The following ESRRG variants were observed in gnomAD, a reference collection of about 807,000 sequenced individuals.
The protein encoded by ESRRG is estrogen related receptor gamma.
In ESRRG, 13 loss-of-function variants were observed where a neutral mutation model predicts 44.0. The observed-to-expected ratio is 0.30, with a 90% CI of 0.19 to 0.47. The LOEUF (loss-of-function observed/expected upper bound fraction) is 0.47, where lower values mean the gene tolerates loss of function less well. Among genes scored for constraint, ESRRG ranks in the 20% least tolerant of loss-of-function variants. The pLI is 1.00. For synonymous variants in ESRRG, 215 were observed against 214.6 expected (o/e 1.00, Z -0.02); for missense variants, 395 against 580.6 (o/e 0.68, Z 3.29).
At chr1:217,133,636 TCTCTCTCTC>T (rs1558298170) in intron 1 of ESRRG, among the ~76,000 whole-genome samples, 18 of 53,936 alleles carry the variant, frequency 3.3e-4, no homozygotes, top group African/African-American at 6.4e-4. Context: ...TTTCTTTCTC[TCTCTCTCTC>T]TCTTTCTTTC....
At chr1:216,758,599 T>C (rs1346113581) in intron 2 of ESRRG, among the ~76,000 whole-genome samples, 1 of 152,078 alleles carries the variant, frequency 6.6e-6, no homozygotes, top group Non-Finnish European at 1.5e-5. Context: ...GTATATTTAT[T>C]TGTTGACTGT....
intron 1 of ESRRG, among the ~76,000 whole-genome samples, chr1:217,106,167 A>G (rs1292623714): frequency 6.6e-6 from 1 of 152,246 alleles, no homozygotes; most frequent in Non-Finnish European, 1.5e-5. Context: ...AGTAGTCTCT[A>G]AGTGATAGAT....
intron 2 of ESRRG, among the ~76,000 whole-genome samples, chr1:216,929,947 C>T (rs1252311774): frequency 6.6e-6 from 1 of 152,092 alleles, no homozygotes; most frequent in Non-Finnish European, 1.5e-5. Flanking sequence ...CTCAGGAAAC[C>T]CCCTAACACC....
chr1:216,850,656 T>A (rs143909306), intron 2 of ESRRG, among the ~76,000 whole-genome samples: 1 of 152,166 alleles, frequency 6.6e-6, no homozygotes, highest in African/African-American at 2.4e-5. Context: ...ATATGCAAAA[T>A]TAAAGGTAGC....
At chr1:216,715,630 T>C (rs2084692921) in intron 1 of ESRRG, among the ~76,000 whole-genome samples, 1 of 152,134 alleles carries the variant, frequency 6.6e-6, no homozygotes, top group African/African-American at 2.4e-5. Flanking sequence ...CCTCAGTCTA[T>C]AATTTTTTAT....
chr1:216,954,069 T>C (rs1051206170), intron 1 of ESRRG, among the ~76,000 whole-genome samples: 3 of 152,084 alleles, frequency 2.0e-5, no homozygotes, highest in African/African-American at 4.8e-5. Context: ...AAAGAGAAGA[T>C]AAATATCTCT....
At chr1:216,706,058 C>T (rs1236200248) in intron 1 of ESRRG, among the ~76,000 whole-genome samples, 1 of 152,084 alleles carries the variant, frequency 6.6e-6, no homozygotes, top group Non-Finnish European at 1.5e-5. Context: ...CTCCTCGTCC[C>T]CCACCCCCAG....
intron 5 of ESRRG, among the ~76,000 whole-genome samples, chr1:216,525,620 T>A (rs914064558): frequency 3.3e-5 from 5 of 152,164 alleles, no homozygotes; most frequent in African/African-American, 1.2e-4. Flanking sequence ...CTGAAATTTG[T>A]TTGGCCATCA....
At chr1:216,968,942 A>T (rs1422986230) in intron 1 of ESRRG, among the ~76,000 whole-genome samples, 1 of 152,054 alleles carries the variant, frequency 6.6e-6, no homozygotes, top group East Asian at 1.9e-4. Flanking sequence ...TTAGATTTAT[A>T]CTCAAGTGTT....
chr1:216,880,453 TA>T (rs1259541324), intron 2 of ESRRG, among the ~76,000 whole-genome samples: 1 of 150,568 alleles, frequency 6.6e-6, no homozygotes, highest in Non-Finnish European at 1.5e-5. Flanking sequence ...ATGAGGAATA[TA>T]AAGCTTTGAA....
intron 1 of ESRRG, among the ~76,000 whole-genome samples, chr1:217,118,978 G>A: frequency 6.6e-6 from 1 of 151,978 alleles, no homozygotes; most frequent in Non-Finnish European, 1.5e-5. Context: ...GGGTGACAGA[G>A]TGAGACCCTA....
At chr1:216,749,123 C>T (rs887219879) in intron 2 of ESRRG, among the ~76,000 whole-genome samples, 3 of 148,684 alleles carry the variant, frequency 2.0e-5, no homozygotes, top group Admixed American at 6.8e-5. Context: ...TTGCTGGGAA[C>T]TTGCACAGTT....
intron 2 of ESRRG, among the ~76,000 whole-genome samples, chr1:216,917,128 A>G (rs2061288592): frequency 6.7e-6 from 1 of 149,174 alleles, no homozygotes; most frequent in Non-Finnish European, 1.5e-5. Context: ...GTCTCAGCAT[A>G]CAGTCTCTCC....
intron 1 of ESRRG, among the ~76,000 whole-genome samples, chr1:216,991,057 A>G (rs1161633665): frequency 6.6e-6 from 1 of 152,066 alleles, no homozygotes; most frequent in Non-Finnish European, 1.5e-5. Flanking sequence ...TCAGATCAGC[A>G]GTGGCATTAG....
intron 1 of ESRRG, among the ~76,000 whole-genome samples, chr1:217,062,303 C>G (rs915849292): frequency 6.6e-6 from 1 of 152,084 alleles, no homozygotes; most frequent in African/African-American, 2.4e-5. Context: ...AATGACATAC[C>G]GTGTGAGAGA....
At chr1:217,116,504 A>G (rs1025098708) in intron 1 of ESRRG, among the ~76,000 whole-genome samples, 4 of 152,192 alleles carry the variant, frequency 2.6e-5, no homozygotes, top group Admixed American at 6.5e-5. Flanking sequence ...ATGTCTTACA[A>G]TCTTATAGGG....
intron 1 of ESRRG, among the ~76,000 whole-genome samples, chr1:217,035,319 C>CAAA (rs397709457): frequency 0.21 from 15,585 of 74,694 alleles, 2,036 homozygotes; most frequent in East Asian, 0.46. Context: ...GACTCTGTCT[C>CAAA]AAAAAAAAAA....
chr1:217,003,580 A>T (rs202238858), intron 1 of ESRRG, among the ~76,000 whole-genome samples: 322 of 67,106 alleles, frequency 4.8e-3, no homozygotes, highest in African/African-American at 0.042. Flanking sequence ...CTAATTAATA[A>T]GTATTAATAT....
chr1:217,075,325 C>T (rs566613254), intron 1 of ESRRG, among the ~76,000 whole-genome samples: 63 of 152,278 alleles, frequency 4.1e-4, no homozygotes, highest in African/African-American at 1.4e-3. Context: ...TACCCTCACT[C>T]TACAGATGAG....
Sources: gnomAD v4.1 joint callset for allele counts (sites outside exome capture counted in the v4.1 genomes callset) on GRCh38, gnomAD v4.1.1 for gene constraint, MANE v1.5 for transcripts, NCBI Gene and HGNC (gene_info 2026-07-23, HGNC 2026-07-21) for gene names.